FOXP1: variants seen among roughly 807,000 people sequenced by gnomAD.
FOXP1 encodes the protein forkhead box protein P1.
In FOXP1, 15 loss-of-function variants were observed where a neutral mutation model predicts 98.2. The observed-to-expected ratio is 0.15, with a 90% CI of 0.10 to 0.24. The LOEUF (loss-of-function observed/expected upper bound fraction) is 0.24, where lower values mean the gene tolerates loss of function less well. Ranked by LOEUF, FOXP1 falls within the 10% of genes least tolerant of loss-of-function variation. FOXP1 has a pLI of 1.00. For missense variants in FOXP1, 633 were observed against 848.5 expected (o/e 0.75, Z 3.15); for synonymous variants, 371 against 314.5 (o/e 1.18, Z -1.90).
intron 19 of FOXP1, 171 bp from the exon 20 acceptor site, chr3:70,966,227 C>A (rs894963899): frequency 3.0e-6 from 2 of 675,948 alleles, no homozygotes; most frequent in African/African-American, 3.5e-5. Flanking sequence ...ACTCGTGGCA[C>A]CTGTCCCAAG....
intron 3 of FOXP1, among the ~76,000 whole-genome samples, chr3:71,426,394 A>G (rs766096079): frequency 3.9e-5 from 6 of 152,190 alleles, no homozygotes; most frequent in Non-Finnish European, 7.3e-5. Flanking sequence ...CACTGCCCTC[A>G]AAGAATTCAG....
chr3:71,176,789 C>T (rs974081775), intron 6 of FOXP1, among the ~76,000 whole-genome samples: 3 of 139,338 alleles, frequency 2.2e-5, no homozygotes, highest in African/African-American at 5.5e-5. Flanking sequence ...GGGGCGGGTG[C>T]GGTGGCTCAC....
chr3:71,155,038 A>G (rs2108091607), intron 6 of FOXP1, among the ~76,000 whole-genome samples: 1 of 152,308 alleles, frequency 6.6e-6, no homozygotes, highest in East Asian at 1.9e-4. Flanking sequence ...TCAGAGGGAT[A>G]TTATTTCTTT....
At chr3:71,269,186 T>C (rs2070078664) in intron 5 of FOXP1, among the ~76,000 whole-genome samples, 2 of 151,506 alleles carry the variant, frequency 1.3e-5, no homozygotes, top group South Asian at 2.1e-4. Flanking sequence ...TCTGCAGCTA[T>C]AAAAATCATC....
chr3:71,447,606 A>G (rs933803349), intron 3 of FOXP1, among the ~76,000 whole-genome samples: 1 of 152,176 alleles, frequency 6.6e-6, no homozygotes, highest in Non-Finnish European at 1.5e-5. Context: ...CCACTAAGGG[A>G]GCGTGTGGAT....
chr3:71,420,774 A>G (rs1050810399), intron 3 of FOXP1, among the ~76,000 whole-genome samples: 1 of 151,352 alleles, frequency 6.6e-6, no homozygotes, highest in Non-Finnish European at 1.5e-5. Flanking sequence ...TGAAGCAATC[A>G]AGGCTCACTG....
chr3:71,040,115 CTCTG>C (rs1393115423), intron 11 of FOXP1, among the ~76,000 whole-genome samples: 1 of 150,288 alleles, frequency 6.7e-6, no homozygotes, highest in Non-Finnish European at 1.5e-5. Flanking sequence ...ATGTATGTAT[CTCTG>C]TGTGTGTGTG....
At chr3:71,054,700 C>T (rs1332884297) in intron 7 of FOXP1, among the ~76,000 whole-genome samples, 1 of 152,066 alleles carries the variant, frequency 6.6e-6, no homozygotes, top group African/African-American at 2.4e-5. Context: ...TTTTGTCAGT[C>T]CCCGTAATGC....
At chr3:71,201,763 A>T (rs1410482944) in intron 5 of FOXP1, among the ~76,000 whole-genome samples, 1 of 152,156 alleles carries the variant, frequency 6.6e-6, no homozygotes, top group Non-Finnish European at 1.5e-5. Flanking sequence ...TATCTCAAAT[A>T]TATATAAAGA....
chr3:71,022,529 A>C (rs549045945), intron 11 of FOXP1, among the ~76,000 whole-genome samples: 1 of 152,320 alleles, frequency 6.6e-6, no homozygotes, highest in East Asian at 1.9e-4. Flanking sequence ...TCCTTTGTGT[A>C]CTGAAAAACC....
intron 3 of FOXP1, among the ~76,000 whole-genome samples, chr3:71,411,814 C>G (rs1442319812): frequency 6.6e-6 from 1 of 152,136 alleles, no homozygotes; most frequent in Non-Finnish European, 1.5e-5. Flanking sequence ...AAGCTCTGAT[C>G]CTGGGCAAGT....
intron 11 of FOXP1, among the ~76,000 whole-genome samples, chr3:71,022,184 C>T (rs1232420359): frequency 6.6e-6 from 1 of 151,986 alleles, no homozygotes; most frequent in Non-Finnish European, 1.5e-5. Flanking sequence ...TGTCCCAGCA[C>T]CATTTGATAA....
Position 71,052,702 on chromosome 3 carries a change from C to T in FOXP1, c.421-76G>A, listed in dbSNP as rs1345601438. ...TGTCCCTTTTGGTGCCATACACAAACTGTGATTTGAAAAATAGCATCCTTT... is the reference window on the plus strand; with the variant it reads ...TGTCCCTTTTGGTGCCATACACAAATTGTGATTTGAAAAATAGCATCCTTT... On this transcript the variant is annotated intron_variant, in intron 8 of 20. Transcript: ENST00000649528. 4 of 835,742 alleles carry T rather than the reference C, an allele frequency of 4.8e-6. No homozygotes were observed. In the African/African-American group the frequency reaches 5.0e-5, roughly 10 times the overall value. 51.8% of individuals were successfully genotyped at this position (835,742 alleles called of 1,614,324 possible).
chr3:71,376,737 C>T (rs1176634240), intron 3 of FOXP1, among the ~76,000 whole-genome samples: 4 of 152,174 alleles, frequency 2.6e-5, no homozygotes, highest in East Asian at 1.9e-4. Context: ...CTTAACCCCT[C>T]GATGGCATCA....
At chr3:71,529,505 G>C (rs957986770) in intron 2 of FOXP1, among the ~76,000 whole-genome samples, 4 of 152,182 alleles carry the variant, frequency 2.6e-5, no homozygotes, top group Admixed American at 2.0e-4. Context: ...TCAGGATGGG[G>C]GAGCCAGTTG....
intron 2 of FOXP1, among the ~76,000 whole-genome samples, chr3:71,511,198 G>C (rs1344361024): frequency 2.0e-5 from 3 of 152,168 alleles, no homozygotes; most frequent in Non-Finnish European, 4.4e-5. Context: ...CTGGCTTAAA[G>C]GCTGGTGGTT....
intron 3 of FOXP1, among the ~76,000 whole-genome samples, chr3:71,484,837 AAAG>A (rs1359334679): frequency 6.6e-6 from 1 of 152,160 alleles, no homozygotes; most frequent in Non-Finnish European, 1.5e-5. Flanking sequence ...ACGTGGAGGT[AAAG>A]AAGAAAATCT....
chr3:71,181,931 A>C (rs2062323296), intron 6 of FOXP1, among the ~76,000 whole-genome samples: 1 of 151,310 alleles, frequency 6.6e-6, no homozygotes, highest in African/African-American at 2.4e-5. Flanking sequence ...GCTACTCAGG[A>C]GGCTGAGGCA....
intron 7 of FOXP1, among the ~76,000 whole-genome samples, chr3:71,083,900 A>G (rs1186566209): frequency 2.6e-5 from 4 of 152,112 alleles, no homozygotes; most frequent in Non-Finnish European, 4.4e-5. Context: ...TAATACAGGT[A>G]CCTCCTTCCA....
Sources: gnomAD v4.1 joint callset for allele counts (sites outside exome capture counted in the v4.1 genomes callset) on GRCh38, gnomAD v4.1.1 for gene constraint, MANE v1.5 for transcripts, NCBI Gene and HGNC (gene_info 2026-07-23, HGNC 2026-07-21) for gene names.